The following CPED1 variants were observed in gnomAD, a reference collection of about 807,000 sequenced individuals.
CPED1 encodes the protein cadherin like and PC-esterase domain containing 1.
In CPED1, 114 loss-of-function variants were observed where a neutral mutation model predicts 128.2. That is an observed-to-expected ratio of 0.89 (90% CI 0.76 to 1.04). CPED1 has a LOEUF of 1.04. Among genes scored for constraint, CPED1 ranks in the 50% least tolerant of loss-of-function variants. CPED1 has a pLI of 0.00. For missense variants in CPED1, 1,211 were observed against 1,207.1 expected, an observed-to-expected ratio of 1.00 and a Z score of -0.05; for synonymous variants, 462 against 426.7, an observed-to-expected ratio of 1.08 and a Z score of -1.02.
At chr7:121,111,051 A>G (rs1795095045) in intron 7 of CPED1, among the ~76,000 whole-genome samples, 2 of 152,134 alleles carry the variant, frequency 1.3e-5, no homozygotes, top group Non-Finnish European at 2.9e-5. Context: ...GAGAGATCAG[A>G]TGGGGGAGCA....
intron 18 of CPED1, among the ~76,000 whole-genome samples, chr7:121,256,471 TA>T (rs1299384581): frequency 6.6e-6 from 1 of 151,926 alleles, no homozygotes; most frequent in Non-Finnish European, 1.5e-5. Flanking sequence ...CCTCAAGCTA[TA>T]AAAATCCTAA....
intron 7 of CPED1, among the ~76,000 whole-genome samples, chr7:121,101,150 T>A (rs1794841242): frequency 6.6e-6 from 1 of 152,140 alleles, no homozygotes; most frequent in Non-Finnish European, 1.5e-5. Flanking sequence ...TTCTCAAGAC[T>A]CTTTTGGTCT....
intron 16 of CPED1, among the ~76,000 whole-genome samples, chr7:121,160,378 A>T (rs1445334219): frequency 6.6e-6 from 1 of 152,086 alleles, no homozygotes; most frequent in African/African-American, 2.4e-5. Flanking sequence ...TGCAAGAGAG[A>T]TATGAGGGGA....
chr7:120,995,206 C>T (rs566069253), intron 2 of CPED1, among the ~76,000 whole-genome samples: 1 of 151,726 alleles, frequency 6.6e-6, no homozygotes, highest in East Asian at 1.9e-4. Flanking sequence ...GATTCCTTAT[C>T]CTTTGCATTT....
Position 120,989,622 on chromosome 7 carries a change from A to ATG in CPED1, c.2_3dup (p.Val2_?1), listed in dbSNP as rs778630027. The ATG allele has an allele frequency of 6.2e-7, 1 of 1,613,926 alleles. No individual in the cohort carries two copies. The highest frequency in any genetic ancestry group is 8.5e-7 in the Non-Finnish European group (1 of 1,179,982). Reference sequence around the variant, plus strand: ...GGGGCCAAGTGAAGCTGAACTGGTCATGGTCTGTCGCCCAGTGTTCCCTTG... The same window carrying ATG: ...GGGGCCAAGTGAAGCTGAACTGGTCATGTGGTCTGTCGCCCAGTGTTCCCTTG... On this transcript the variant is annotated frameshift_variant and start_lost, in exon 2 of 23. Transcript: ENST00000310396. LOFTEE classifies it high-confidence loss of function.
intron 16 of CPED1, among the ~76,000 whole-genome samples, chr7:121,224,186 A>G (rs1043405260): frequency 4.6e-5 from 7 of 152,250 alleles, no homozygotes; most frequent in Middle Eastern, 6.8e-3. Context: ...TTCAAAGAAC[A>G]TCTTTATTTC....
At chr7:121,247,580 C>T (rs1263252547) in intron 18 of CPED1, among the ~76,000 whole-genome samples, 2 of 152,104 alleles carry the variant, frequency 1.3e-5, no homozygotes, top group Non-Finnish European at 2.9e-5. Context: ...GGGGCTAGTT[C>T]CCAGCCCTGA....
intron 5 of CPED1, among the ~76,000 whole-genome samples, chr7:121,065,438 A>C (rs1358646259): frequency 1.3e-5 from 2 of 152,150 alleles, no homozygotes; most frequent in African/African-American, 4.8e-5. Context: ...TATTTTCGTT[A>C]ATACAATATT....
intron 2 of CPED1, among the ~76,000 whole-genome samples, chr7:121,001,162 T>A (rs1021272245): frequency 6.6e-6 from 1 of 152,152 alleles, no homozygotes; most frequent in Non-Finnish European, 1.5e-5. Flanking sequence ...TTGTCCACTT[T>A]CCTTTTTGGC....
intron 7 of CPED1, among the ~76,000 whole-genome samples, chr7:121,116,873 T>C (rs1795246797): frequency 6.6e-6 from 1 of 151,220 alleles, no homozygotes; most frequent in Non-Finnish European, 1.5e-5. Context: ...GCATGTAAAA[T>C]GCACAGTGTC....
chr7:121,039,017 C>A (rs1049910161), intron 3 of CPED1, among the ~76,000 whole-genome samples: 2 of 151,922 alleles, frequency 1.3e-5, no homozygotes, highest in Non-Finnish European at 2.9e-5. Context: ...TCTTTTATTC[C>A]CTCTTTCCAT....
At chr7:120,993,327 A>G (rs1458514146) in intron 2 of CPED1, among the ~76,000 whole-genome samples, 1 of 152,150 alleles carries the variant, frequency 6.6e-6, no homozygotes, top group Non-Finnish European at 1.5e-5. Context: ...CTATTTGGGG[A>G]ATACATTTAT....
At chr7:120,996,273 G>A (rs757074908) in intron 2 of CPED1, among the ~76,000 whole-genome samples, 3 of 151,744 alleles carry the variant, frequency 2.0e-5, no homozygotes, top group East Asian at 3.9e-4. Context: ...GACAGAGCAA[G>A]CTCCTGTCTC....
intron 16 of CPED1, among the ~76,000 whole-genome samples, chr7:121,235,456 T>G (rs1798230748): frequency 6.6e-6 from 1 of 152,126 alleles, no homozygotes; most frequent in Non-Finnish European, 1.5e-5. Flanking sequence ...CCTTTTTGTA[T>G]GAGATCTGGG....
intron 18 of CPED1, among the ~76,000 whole-genome samples, chr7:121,256,121 A>AAC (rs1791860007): frequency 2.5e-5 from 1 of 40,538 alleles, no homozygotes; most frequent in South Asian, 1.9e-3. Context: ...CAAAAAAAAA[A>AAC]AACAAAACAA....
intron 16 of CPED1, among the ~76,000 whole-genome samples, chr7:121,147,852 T>A (rs1796062020): frequency 6.6e-6 from 1 of 152,174 alleles, no homozygotes; most frequent in Non-Finnish European, 1.5e-5. Context: ...TGGCATTTGA[T>A]GACTTATTTT....
Position 121,266,118 on chromosome 7 carries a change from TCAAA to T in CPED1, c.2311-106_2311-103del, listed in dbSNP as rs1030941630. 5.1e-6 allele frequency: 4 copies of T among 784,760 alleles called. No individual in the cohort carries two copies. The African/African-American group carries it at 5.2e-5, about 10-fold the overall frequency. 48.6% of individuals were successfully genotyped at this position (784,760 alleles called of 1,614,324 possible). On this transcript the variant is annotated intron_variant, in intron 18 of 22. Transcript: ENST00000310396. Reference sequence around the variant, plus strand: ...TTCTAACAATTTGAAGGGCTGTCCTTCAAACAGTTAGGTAGTAGTGTGAATATTC... The same window carrying T: ...TTCTAACAATTTGAAGGGCTGTCCTTCAGTTAGGTAGTAGTGTGAATATTC...
chr7:121,230,753 T>G (rs1245945929), intron 16 of CPED1, among the ~76,000 whole-genome samples: 1 of 152,086 alleles, frequency 6.6e-6, no homozygotes, highest in Non-Finnish European at 1.5e-5. Context: ...TCTGCAATTC[T>G]CTGCAAGTTT....
intron 5 of CPED1, among the ~76,000 whole-genome samples, chr7:121,091,422 G>C (rs534354660): frequency 6.6e-6 from 1 of 152,302 alleles, no homozygotes; most frequent in South Asian, 2.1e-4. Flanking sequence ...AGATGTTTAA[G>C]AATGCCATAA....
Sources: allele counts gnomAD v4.1 joint callset (sites outside exome capture counted in the v4.1 genomes callset), GRCh38; gene constraint gnomAD v4.1.1; transcripts MANE v1.5; gene names NCBI Gene and HGNC (gene_info 2026-07-23, HGNC 2026-07-21).